Variants in EFNA5 observed in about 807,000 individuals in gnomAD.
The protein encoded by EFNA5 is ephrin A5, also known as ephrin-A5.
A neutral mutation model predicts 22.9 loss-of-function variants in EFNA5; 5 were observed. The ratio of observed to expected loss-of-function variants is 0.22; its 90% CI spans 0.11 to 0.46. EFNA5 has a LOEUF of 0.46. EFNA5 is among the 20% of genes least tolerant of loss of function. EFNA5 has a pLI of 0.99. For synonymous variants in EFNA5, 113 were observed against 112.2 expected (o/e 1.01, Z -0.04); for missense variants, 237 against 293.3 (o/e 0.81, Z 1.40).
intron 2 of EFNA5, among the ~76,000 whole-genome samples, chr5:107,391,013 G>C (rs1419957065): frequency 1.3e-5 from 2 of 152,062 alleles, no homozygotes; most frequent in East Asian, 3.9e-4. Context: ...GCAAAAATTA[G>C]CTGGGCATGG....
intron 2 of EFNA5, among the ~76,000 whole-genome samples, chr5:107,390,515 A>G (rs1309148953): frequency 2.0e-5 from 3 of 152,142 alleles, no homozygotes; most frequent in Non-Finnish European, 2.9e-5. Context: ...CTCAGGATCA[A>G]TTTATGAGCA....
At chr5:107,439,056 G>C (rs1443429812) in intron 1 of EFNA5, among the ~76,000 whole-genome samples, 1 of 152,110 alleles carries the variant, frequency 6.6e-6, no homozygotes, top group African/African-American at 2.4e-5. Context: ...GTTACAGACT[G>C]AATGTCTGTC....
chr5:107,507,563 G>A (rs1426599392), intron 1 of EFNA5, among the ~76,000 whole-genome samples: 5 of 152,074 alleles, frequency 3.3e-5, no homozygotes, highest in African/African-American at 7.2e-5. Context: ...ATGGCAAGGC[G>A]TGGTGGCTCA....
chr5:107,535,429 T>C (rs571502497), intron 1 of EFNA5, among the ~76,000 whole-genome samples: 1 of 152,078 alleles, frequency 6.6e-6, no homozygotes, highest in Non-Finnish European at 1.5e-5. Context: ...ACTAAGACTA[T>C]GATGATCTAA....
intron 2 of EFNA5, among the ~76,000 whole-genome samples, chr5:107,396,536 T>C (rs969597742): frequency 6.6e-6 from 1 of 152,032 alleles, no homozygotes; most frequent in South Asian, 2.1e-4. Flanking sequence ...GCTTCTGAGG[T>C]TGTGAGTTCT....
At position 107,377,127 on chromosome 5, in the gene EFNA5, GCACA is replaced by G. The variant is rs1747284900; in HGVS notation, c.*4124_*4127del. The G allele has an allele frequency of 6.6e-6, 1 of 152,092 alleles. No homozygotes were observed. The highest frequency in any genetic ancestry group is 2.1e-4 in the South Asian group (1 of 4,824). The allele number at this position is 152,092 out of a possible 1,614,324, so 9.4% of individuals were successfully genotyped here. ...ACGGAGCTGGACTTCACACCCAGAC[GCACA>G]CACAATGAGTGGCTTCAATGGGGTG... On this transcript the variant is annotated 3_prime_UTR_variant, in exon 5 of 5. Transcript: ENST00000333274.
At chr5:107,653,430 C>T (rs953849006) in intron 1 of EFNA5, among the ~76,000 whole-genome samples, 3 of 152,172 alleles carry the variant, frequency 2.0e-5, no homozygotes, top group African/African-American at 7.2e-5. Context: ...AGCCTTTCTT[C>T]TCTTCCTAAC....
intron 1 of EFNA5, among the ~76,000 whole-genome samples, chr5:107,460,220 G>T (rs1264688789): frequency 6.6e-6 from 1 of 152,040 alleles, no homozygotes; most frequent in Non-Finnish European, 1.5e-5. Flanking sequence ...TCTCCTTTTT[G>T]ATTTTGCTGA....
At chr5:107,662,613 T>C (rs914258646) in intron 1 of EFNA5, among the ~76,000 whole-genome samples, 1 of 151,996 alleles carries the variant, frequency 6.6e-6, no homozygotes, top group African/African-American at 2.4e-5. Flanking sequence ...TAAAATAATC[T>C]ATGAGAACCC....
At chr5:107,456,581 GA>G (rs752485362) in intron 1 of EFNA5, among the ~76,000 whole-genome samples, 35 of 152,162 alleles carry the variant, frequency 2.3e-4, no homozygotes, top group Non-Finnish European at 4.6e-4. Context: ...TCCCTTTTAA[GA>G]GAGATGTTTT....
At chr5:107,507,141 T>C (rs1262746206) in intron 1 of EFNA5, among the ~76,000 whole-genome samples, 1 of 152,068 alleles carries the variant, frequency 6.6e-6, no homozygotes, top group African/African-American at 2.4e-5. Flanking sequence ...TGTTCAAAAA[T>C]AAATGATACA....
intron 1 of EFNA5, among the ~76,000 whole-genome samples, chr5:107,564,516 G>T (rs1474776458): frequency 6.6e-6 from 1 of 152,038 alleles, no homozygotes; most frequent in Non-Finnish European, 1.5e-5. Flanking sequence ...TTCCCCAAAA[G>T]CACCTAACTC....
intron 1 of EFNA5, among the ~76,000 whole-genome samples, chr5:107,606,683 T>A (rs956916702): frequency 2.6e-5 from 4 of 152,042 alleles, no homozygotes; most frequent in Non-Finnish European, 5.9e-5. Flanking sequence ...AATTTCCTCT[T>A]CCATAAAATC....
intron 1 of EFNA5, among the ~76,000 whole-genome samples, chr5:107,491,568 C>T (rs918147631): frequency 6.6e-6 from 1 of 152,208 alleles, no homozygotes; most frequent in South Asian, 2.1e-4. Context: ...GCCTTGGCCT[C>T]CCAAAGTGCT....
At chr5:107,412,598 G>GA (rs376357617) in intron 2 of EFNA5, among the ~76,000 whole-genome samples, 3 of 151,908 alleles carry the variant, frequency 2.0e-5, no homozygotes, top group South Asian at 4.2e-4. Flanking sequence ...AGACTATAGG[G>GA]AAAAAAAACC....
At chr5:107,445,794 C>A (rs1468047290) in intron 1 of EFNA5, among the ~76,000 whole-genome samples, 1 of 152,192 alleles carries the variant, frequency 6.6e-6, no homozygotes, top group Non-Finnish European at 1.5e-5. Context: ...GAAAATTTCA[C>A]CTCTAATCCT....
intron 1 of EFNA5, among the ~76,000 whole-genome samples, chr5:107,603,746 G>A (rs868638836): frequency 2.0e-5 from 3 of 152,208 alleles, no homozygotes; most frequent in Non-Finnish European, 4.4e-5. Flanking sequence ...CACTCTAACC[G>A]TGAGGAGCTG....
intron 1 of EFNA5, among the ~76,000 whole-genome samples, chr5:107,618,425 A>G (rs1416813220): frequency 2.0e-5 from 3 of 152,206 alleles, no homozygotes; most frequent in African/African-American, 7.2e-5. Flanking sequence ...CAGCTTCCGC[A>G]TGTCATATGA....
rs186290806 is a variant in EFNA5, at chr5:107,445,274, G to A, written c.126-17765C>T. Reference sequence around the variant, plus strand: ...CTGACCACAAGTGATCTGCCTGGCTGGGCCTCCCAAAGTGCTGGGATTACA... The same window carrying A: ...CTGACCACAAGTGATCTGCCTGGCTAGGCCTCCCAAAGTGCTGGGATTACA... On this transcript the variant is annotated intron_variant, in intron 1 of 4. Coordinates refer to ENST00000333274, the MANE Select transcript of EFNA5 (RefSeq NM_001962.3). 4.1e-3 allele frequency among the ~76,000 whole-genome samples: 626 copies of A among 152,144 alleles called. 2 individuals are homozygous for A. The highest frequency in any genetic ancestry group is 6.9e-3 in the Non-Finnish European group (467 of 67,980).
Sources: allele counts gnomAD v4.1 joint callset (sites outside exome capture counted in the v4.1 genomes callset), GRCh38; gene constraint gnomAD v4.1.1; transcripts MANE v1.5; gene names NCBI Gene and HGNC (gene_info 2026-07-23, HGNC 2026-07-21).